DNAJC1: variants seen among roughly 807,000 people sequenced by gnomAD.
DNAJC1 encodes DnaJ heat shock protein family (Hsp40) member C1, also known as dnaJ homolog subfamily C member 1.
Under a neutral mutation model 76.6 loss-of-function variants are expected in DNAJC1, and 58 were observed. The observed-to-expected ratio is 0.76, with a 90% CI of 0.61 to 0.94. The LOEUF (loss-of-function observed/expected upper bound fraction) is 0.94, where lower values mean the gene tolerates loss of function less well. Ranked by LOEUF, DNAJC1 falls within the 40% of genes least tolerant of loss-of-function variation. The probability of loss-of-function intolerance (pLI) is 0.00; values close to 1 mark genes in which losing one functional copy is unlikely to be tolerated. For missense variants in DNAJC1, 689 were observed against 677.3 expected, an observed-to-expected ratio of 1.02 and a Z score of -0.19; for synonymous variants, 258 against 267.9, an observed-to-expected ratio of 0.96 and a Z score of 0.36.
At chr10:21,823,074 T>C (rs1360613275) in intron 8 of DNAJC1, among the ~76,000 whole-genome samples, 4 of 152,008 alleles carry the variant, frequency 2.6e-5, no homozygotes, top group Non-Finnish European at 5.9e-5. Context: ...AGAGGAGTAA[T>C]TTGTAAATCA....
At chr10:21,813,230 A>C (rs1589991367) in intron 8 of DNAJC1, among the ~76,000 whole-genome samples, 4 of 128,154 alleles carry the variant, frequency 3.1e-5, no homozygotes, top group South Asian at 2.5e-4. Flanking sequence ...CTATATATAT[A>C]TATATATATA....
chr10:21,819,274 A>G (rs1318623056), intron 8 of DNAJC1, among the ~76,000 whole-genome samples: 1 of 151,800 alleles, frequency 6.6e-6, no homozygotes, highest in Non-Finnish European at 1.5e-5. Flanking sequence ...GGTGGCGTGC[A>G]TCTGTAGTCC....
At chr10:21,839,943 C>G (rs1169010223) in intron 8 of DNAJC1, among the ~76,000 whole-genome samples, 6 of 152,152 alleles carry the variant, frequency 3.9e-5, no homozygotes, top group Non-Finnish European at 8.8e-5. Flanking sequence ...AAGGCTGGTT[C>G]AACATACGCA....
intron 8 of DNAJC1, among the ~76,000 whole-genome samples, chr10:21,846,349 C>CA (rs1362847456): frequency 6.6e-6 from 1 of 151,786 alleles, no homozygotes. Context: ...TGGGCTCTGC[C>CA]AAAAATCATT....
intron 8 of DNAJC1, among the ~76,000 whole-genome samples, chr10:21,836,423 C>T (rs139424742): frequency 3.9e-5 from 6 of 152,124 alleles, no homozygotes; most frequent in Non-Finnish European, 7.3e-5. Context: ...CATCAACTAA[C>T]GAGCAACATA....
At chr10:21,836,689 T>A (rs1426241076) in intron 8 of DNAJC1, among the ~76,000 whole-genome samples, 1 of 151,988 alleles carries the variant, frequency 6.6e-6, no homozygotes, top group African/African-American at 2.4e-5. Context: ...TAGTCTCTGA[T>A]AAAACAGACT....
intron 10 of DNAJC1, among the ~76,000 whole-genome samples, chr10:21,763,854 GC>G (rs991534293): frequency 5.9e-5 from 9 of 152,120 alleles, no homozygotes; most frequent in African/African-American, 2.2e-4. Context: ...GCCACCATCA[GC>G]CTGTGAGTGC....
chr10:21,770,537 A>G (rs1465185115), intron 9 of DNAJC1, among the ~76,000 whole-genome samples: 1 of 151,866 alleles, frequency 6.6e-6, no homozygotes, highest in Non-Finnish European at 1.5e-5. Flanking sequence ...AACTGGGACT[A>G]CAGGCATGTG....
intron 8 of DNAJC1, among the ~76,000 whole-genome samples, chr10:21,882,015 G>A (rs1037455590): frequency 1.4e-4 from 21 of 151,998 alleles, no homozygotes; most frequent in African/African-American, 4.6e-4. Context: ...TTAGCCAGGC[G>A]TGGTGGTGGG....
intron 9 of DNAJC1, among the ~76,000 whole-genome samples, chr10:21,774,105 C>T (rs1834424969): frequency 7.1e-6 from 1 of 140,590 alleles, no homozygotes; most frequent in Non-Finnish European, 1.5e-5. Flanking sequence ...CCCGCCACTG[C>T]ACTCCAGCCT....
chr10:21,850,533 C>A (rs952494072), intron 8 of DNAJC1, among the ~76,000 whole-genome samples: 2 of 136,486 alleles, frequency 1.5e-5, no homozygotes, highest in Non-Finnish European at 3.2e-5. Flanking sequence ...ATTTTCTTTT[C>A]TTTTTTTTTT....
intron 1 of DNAJC1, among the ~76,000 whole-genome samples, chr10:21,991,527 C>T (rs1231468031): frequency 2.0e-5 from 3 of 151,946 alleles, no homozygotes; most frequent in Non-Finnish European, 4.4e-5. Flanking sequence ...ATTGGAACAA[C>T]CTAAAAACAA....
intron 8 of DNAJC1, among the ~76,000 whole-genome samples, chr10:21,873,569 T>A (rs1278877412): frequency 6.6e-6 from 1 of 151,992 alleles, no homozygotes; most frequent in African/African-American, 2.4e-5. Flanking sequence ...AAATAAAAAG[T>A]GAGAGAGTTC....
chr10:21,789,588 A>G (rs1834655104), intron 9 of DNAJC1, among the ~76,000 whole-genome samples: 1 of 152,232 alleles, frequency 6.6e-6, no homozygotes, highest in Admixed American at 6.5e-5. Flanking sequence ...AAGATATAAG[A>G]ATGTACAGAT....
chr10:21,895,782 AGGCTC>A (rs1836531595), intron 7 of DNAJC1, among the ~76,000 whole-genome samples: 1 of 152,210 alleles, frequency 6.6e-6, no homozygotes, highest in Non-Finnish European at 1.5e-5. Context: ...TTCTCATAGC[AGGCTC>A]AGAGCACCAG....
intron 9 of DNAJC1, among the ~76,000 whole-genome samples, chr10:21,784,331 C>T (rs1039166376): frequency 3.9e-5 from 6 of 152,156 alleles, no homozygotes; most frequent in African/African-American, 1.4e-4. Flanking sequence ...CAGAGAAATG[C>T]AAATCAAAAC....
In DNAJC1 at chr10:21,881,551, G is replaced by A. The variant is rs970471200; in HGVS notation, c.978+731C>T. On this transcript the variant is annotated intron_variant, in intron 8 of 11. Transcript: ENST00000376980. ...AGGGAGTAGGGAGACCAGAGGAGAC[G>A]GAAAGAGACTAGAGGATGATTGATT... 3.3e-4 allele frequency among the ~76,000 whole-genome samples: 50 copies of A among 152,002 alleles called. 1 individual carries two copies. Among genetic ancestry groups the A allele is most frequent in the South Asian group, 2.1e-4 (1 of 4,824 alleles).
At chr10:21,970,566 G>A (rs1462678642) in intron 1 of DNAJC1, among the ~76,000 whole-genome samples, 1 of 151,890 alleles carries the variant, frequency 6.6e-6, no homozygotes. Flanking sequence ...ATTTGTTACT[G>A]TCCTTCTATA....
intron 8 of DNAJC1, among the ~76,000 whole-genome samples, chr10:21,879,898 CA>C (rs1319268422): frequency 6.6e-6 from 1 of 152,130 alleles, no homozygotes; most frequent in Non-Finnish European, 1.5e-5. Flanking sequence ...AATAAGACAA[CA>C]ATGAAGTTTG....
Sources: allele counts gnomAD v4.1 joint callset (sites outside exome capture counted in the v4.1 genomes callset), GRCh38; gene constraint gnomAD v4.1.1; transcripts MANE v1.5; gene names NCBI Gene and HGNC (gene_info 2026-07-23, HGNC 2026-07-21).